Variants in PER2 observed in about 807,000 individuals in gnomAD.
PER2 encodes the protein period circadian protein homolog 2.
In PER2, 66 loss-of-function variants were observed where a neutral mutation model predicts 121.0. That is an observed-to-expected ratio of 0.55 (90% confidence interval 0.45 to 0.67). The LOEUF (loss-of-function observed/expected upper bound fraction) is 0.67. Among genes scored for constraint, PER2 ranks in the 30% least tolerant of loss-of-function variants. The pLI is 0.00. For missense variants in PER2, 1,521 were observed against 1,635.0 expected (o/e 0.93, Z 1.20); for synonymous variants, 684 against 659.9 (o/e 1.04, Z -0.56).
rs1696189827 is a variant in PER2, at chr2:238,268,708, A to T, written c.824+215T>A. 1.3e-5 allele frequency among the ~76,000 whole-genome samples: 2 copies of T among 152,204 alleles called. No individual in the cohort carries two copies. Among genetic ancestry groups the T allele is most frequent in the Admixed American group, 1.3e-4 (2 of 15,288 alleles). ...AGACACAGAGAGAAAGTGCAGGTCC[A>T]TGAGGGGCAGGTTAAAGCACTCCAC... is the stretch of plus-strand genomic sequence containing the variant. On this transcript the variant is annotated intron_variant, in intron 7 of 22. Coordinates refer to ENST00000254657, the MANE Select transcript of PER2 (RefSeq NM_022817.3). This position sits in a 1 kb window ranked among gnomAD's most constrained non-coding sequence, Gnocchi z 4.0.
intron 12 of PER2, chr2:238,261,504 G>A (rs1695930655): frequency 3.4e-6 from 2 of 592,964 alleles, no homozygotes; most frequent in East Asian, 2.9e-5. Context: ...ACTCAGGGCT[G>A]CAGTTCAGAC....
intron 8 of PER2, 72 bp downstream of exon 8, chr2:238,267,984 T>C (rs1050742923): frequency 1.3e-6 from 2 of 1,541,382 alleles, no homozygotes; most frequent in South Asian, 1.1e-5. Context: ...ACAGATGTTA[T>C]GTGTGAACCA....
intron 16 of PER2, among the ~76,000 whole-genome samples, chr2:238,257,368 C>T (rs1464099600): frequency 6.6e-6 from 1 of 152,260 alleles, no homozygotes; most frequent in African/African-American, 2.4e-5. Context: ...CTGCAGGGCA[C>T]ACTTGGTGAG....
intron 11 of PER2, 94 bp downstream of exon 11, chr2:238,262,097 G>T: frequency 7.9e-7 from 1 of 1,259,342 alleles, no homozygotes; most frequent in Non-Finnish European, 1.2e-6. Context: ...TGGCCTCTCA[G>T]CCCCTCCCTA....
the PER2 span, chr2:238,300,003 G>T: frequency 2.0e-5 from 3 of 152,246 alleles, no homozygotes; most frequent in Non-Finnish European, 4.4e-5. Flanking sequence ...GGTGACGCTG[G>T]TTCTTCGCAG....
In PER2 at chr2:238,246,316, T is replaced by C. The variant is rs964476487; in HGVS notation, c.*59A>G. 32 of 1,306,218 alleles carry C rather than the reference T, an allele frequency of 2.4e-5. No individual in the cohort carries two copies. Among genetic ancestry groups the C allele is most frequent in the Admixed American group, 2.3e-4 (9 of 39,334 alleles). 80.9% of individuals were successfully genotyped at this position (1,306,218 alleles called of 1,614,324 possible). ...TGGAAACAGCCATGAAGATCTTTCA[T>C]CTCTTCCAAGCACCACCTGGTGTAC... is the stretch of plus-strand genomic sequence containing the variant. On this transcript the variant is annotated 3_prime_UTR_variant, in exon 23 of 23. Transcript: ENST00000254657.
Position 238,258,557 on chromosome 2 carries a change from GC to G in PER2, c.1714del (p.Ala572ProfsTer32). On this transcript the variant is annotated frameshift_variant, in exon 15 of 23. Coordinates refer to ENST00000254657, the MANE Select transcript of PER2 (RefSeq NM_022817.3). LOFTEE classifies it high-confidence loss of function. ...SLGVSFPEEL[A>X]CKNQPTCSYQ... ...GGAGCAGGTGGGCTGGTTCTTGCAG[GC>G]CAACTCCTCGGGGAAGCTGACCCCC... is the stretch of plus-strand genomic sequence containing the variant. 1 of 1,614,090 alleles carries G rather than the reference GC, an allele frequency of 6.2e-7. No individual in the cohort carries two copies. The highest frequency in any genetic ancestry group is 8.5e-7 in the Non-Finnish European group (1 of 1,179,934).
chr2:238,277,256 T>C (rs886979509), intron 2 of PER2, 63 bp from the exon 3 acceptor site: 4 of 1,067,526 alleles, frequency 3.7e-6, no homozygotes, highest in African/African-American at 3.1e-5. Context: ...CATCTTCCCC[T>C]GCCATCCTAC....
Position 238,262,310 on chromosome 2 carries a change from A to C in PER2, c.1188T>G (p.Ser396=). The C allele has an allele frequency of 6.2e-7, 1 of 1,613,988 alleles. No homozygotes were observed. Among genetic ancestry groups the C allele is most frequent in the Non-Finnish European group, 8.5e-7 (1 of 1,179,954 alleles). The change falls in exon 11 of 23, where the codon TCT becomes TCG. Residue 396 remains serine, a synonymous_variant. Coordinates refer to ENST00000254657, the MANE Select transcript of PER2 (RefSeq NM_022817.3). ...CGTTCCGGGCGCGAAACCGAATGGG[A>C]GAATAGTCGAAAGGCTGCCCGCCTG... ...LQSGGQPFDY[S]PIRFRARNGE...
intron 19 of PER2, 41 bp from the exon 20 acceptor site, chr2:238,251,802 G>C: frequency 1.1e-6 from 1 of 904,922 alleles, no homozygotes; most frequent in South Asian, 1.3e-5. Context: ...CAGGGGCTCA[G>C]TCAGGACACA....
chr2:238,253,156 G>A lies in PER2; in HGVS notation c.2867C>T (p.Pro956Leu), dbSNP rs779745054. The A allele has an allele frequency of 1.9e-6, 3 of 1,597,668 alleles. No individual in the cohort carries two copies. The highest frequency in any genetic ancestry group is 1.1e-5 in the South Asian group (1 of 89,650). Residue 956 changes from proline (P) to leucine (L), a missense_variant, in exon 19 of 23, where the codon CCC (proline) becomes CTC (leucine). By Grantham distance (98) the Pro-to-Leu change is moderately conservative (BLOSUM62 -3). Coordinates refer to ENST00000254657, the MANE Select transcript of PER2 (RefSeq NM_022817.3). The surrounding 1 kb of genome is among the most constrained non-coding windows in gnomAD (Gnocchi z 5.6). ...GGCTGGACAAGCACATGGCTGTCTG[G>A]GGATCGAGGTCCGGCTGGGGAACTC... ...QPEFPSRTSIPRQPCACPATR... is the reference protein window; with the variant it reads ...QPEFPSRTSILRQPCACPATR...
intron 10 of PER2, 70 bp downstream of exon 10, chr2:238,262,882 A>G: frequency 9.2e-7 from 1 of 1,081,990 alleles, no homozygotes; most frequent in Non-Finnish European, 1.4e-6. Flanking sequence ...GACTGGTCCC[A>G]AGAAGCAGCC....
intron 1 of PER2, among the ~76,000 whole-genome samples, chr2:238,286,499 C>G (rs1696793258): frequency 2.0e-5 from 3 of 152,100 alleles, no homozygotes; most frequent in Non-Finnish European, 2.9e-5. Flanking sequence ...AGGGCCTGGT[C>G]CCTAGGGGGG....
chr2:238,291,935 G>A (rs895402440), upstream of PER2, among the ~76,000 whole-genome samples: 2 of 152,210 alleles, frequency 1.3e-5, no homozygotes, highest in African/African-American at 4.8e-5. Flanking sequence ...GCCAAGGTGG[G>A]AGGATTTCTT....
Position 238,277,868 on chromosome 2 carries a change from G to C in PER2, c.69C>G (p.Pro23=), listed in dbSNP as rs1435405743. Residue 23 remains proline, a synonymous_variant, in exon 2 of 23, where the codon CCC becomes CCG. Coordinates refer to ENST00000254657, the MANE Select transcript of PER2 (RefSeq NM_022817.3). The part of the protein sequence containing the change: ...NPTKEPVEPQ[P]SQVPLQEDVD... ...CATCTTCCTGCAGTGGGACCTGGCT[G>C]GGCTGGGGCTCCACGGGCTCCTTGG... 1 of 1,614,208 alleles carries C rather than the reference G, an allele frequency of 6.2e-7. No homozygotes were observed. The highest frequency in any genetic ancestry group is 2.2e-5 in the East Asian group (1 of 44,888).
At chr2:238,276,106 A>G (rs1185802108) in intron 3 of PER2, among the ~76,000 whole-genome samples, 3 of 128,582 alleles carry the variant, frequency 2.3e-5, no homozygotes, top group Non-Finnish European at 4.8e-5. Context: ...AGATTTTCTC[A>G]GCCTCGGCTC....
chr2:238,297,734 A>G, the PER2 span, among the ~76,000 whole-genome samples: 1 of 152,208 alleles, frequency 6.6e-6, no homozygotes, highest in East Asian at 1.9e-4. Context: ...AAGAAAGGCC[A>G]CTGCCATAGG....
At chr2:238,297,490 C>T in the PER2 span, among the ~76,000 whole-genome samples, 1 of 152,196 alleles carries the variant, frequency 6.6e-6, no homozygotes, top group East Asian at 1.9e-4. Context: ...CTAAAGAGCA[C>T]TCTTGTAACG....
chr2:238,298,453 C>T, the PER2 span: 1 of 152,358 alleles, frequency 6.6e-6, no homozygotes, highest in South Asian at 2.1e-4. Context: ...ACGTTGGAAT[C>T]TATCTTCCCA....
Sources: gnomAD v4.1 joint callset for allele counts (sites outside exome capture counted in the v4.1 genomes callset) on GRCh38, gnomAD v4.1.1 for gene constraint, Gnocchi (gnomAD v3.1) non-coding constraint, MANE v1.5 for transcripts, NCBI Gene and HGNC (gene_info 2026-07-23, HGNC 2026-07-21) for gene names.